TAX1BP1: variants seen among roughly 807,000 people sequenced by gnomAD.
The protein encoded by TAX1BP1 is Tax1 binding protein 1, also known as tax1-binding protein 1.
Under a neutral mutation model 97.7 loss-of-function variants are expected in TAX1BP1, and 62 were observed. The ratio of observed to expected loss-of-function variants is 0.63; its 90% CI spans 0.52 to 0.78. TAX1BP1 has a LOEUF of 0.78. Ranked by LOEUF, TAX1BP1 falls within the 30% of genes least tolerant of loss-of-function variation. The pLI, the probability that TAX1BP1 is intolerant of heterozygous loss-of-function variation, is 0.00. For synonymous variants in TAX1BP1, 340 were observed against 304.2 expected, an observed-to-expected ratio of 1.12 and a Z score of -1.23; for missense variants, 867 against 916.1, an observed-to-expected ratio of 0.95 and a Z score of 0.69.
rs34347226 is a variant in TAX1BP1 at position 27,769,730 on chromosome 7, G to T, written c.508G>T (p.Val170Phe). ...AGAAGAACTGTTAAAGTTAATTGCC[G>T]TTCTGGAAAAAGAAACAGCACAACT... ...EKEELLKLIAVLEKETAQLRE... is the reference protein window; with the variant it reads ...EKEELLKLIAFLEKETAQLRE... The change falls in exon 5 of 17, where the codon GTT (valine) becomes TTT (phenylalanine). Residue 170 changes from valine to phenylalanine, a missense_variant. Physicochemically the swap from Val to Phe is conservative, Grantham distance 50. Around this residue, in one of 3 missense-constraint regions of TAX1BP1, gnomAD observed 822 missense variants for 851.4 expected, o/e 0.97. Coordinates refer to ENST00000396319, the MANE Select transcript of TAX1BP1 (RefSeq NM_006024.7). 1.5e-4 allele frequency: 249 copies of T among 1,612,336 alleles called. 1 individual carries two copies. The African/African-American group carries it at 3.1e-3, about 20-fold the overall frequency.
At position 27,769,758 on chromosome 7, in the gene TAX1BP1, G is replaced by A. The variant is rs1280713405; in HGVS notation, c.536G>A (p.Arg179Gln). 4 of 1,612,382 alleles carry A rather than the reference G, an allele frequency of 2.5e-6. No individual in the cohort carries two copies. The highest frequency in any genetic ancestry group is 2.2e-5 in the East Asian group (1 of 44,780). ...AVLEKETAQL[R>Q]EQVGRMEREL... is the part of the protein sequence containing the mutation. The stretch of plus-strand genomic sequence containing the variant: ...CTGGAAAAAGAAACAGCACAACTTC[G>A]AGAACAAGTTGGGAGAATGGAAAGA... The change falls in exon 5 of 17, where the codon CGA becomes CAA. Residue 179 changes from arginine to glutamine, a missense_variant. By Grantham distance (43) the Arg-to-Gln change is conservative. This residue lies in a region of TAX1BP1 where 822 missense variants were observed against 851.4 expected (regional missense o/e 0.97). Coordinates refer to ENST00000396319, the MANE Select transcript of TAX1BP1 (RefSeq NM_006024.7).
At chr7:27,803,765 C>T (rs1790231027) in intron 13 of TAX1BP1, among the ~76,000 whole-genome samples, 2 of 152,132 alleles carry the variant, frequency 1.3e-5, no homozygotes, top group African/African-American at 4.8e-5. Flanking sequence ...GGGTACATGT[C>T]TTTTTAGTAT....
chr7:27,771,050 T>C (rs1236310739), intron 5 of TAX1BP1, among the ~76,000 whole-genome samples: 1 of 144,786 alleles, frequency 6.9e-6, no homozygotes, highest in Non-Finnish European at 1.5e-5. Flanking sequence ...TAAAATATAG[T>C]AAAATCTCAT....
At chr7:27,786,248 C>T (rs1789476190) in intron 7 of TAX1BP1, among the ~76,000 whole-genome samples, 1 of 151,698 alleles carries the variant, frequency 6.6e-6, no homozygotes, top group African/African-American at 2.4e-5. Flanking sequence ...TCTCCTGCCT[C>T]AGCCTCCCGA....
At chr7:27,754,885 T>C (rs1788153336) in intron 2 of TAX1BP1, among the ~76,000 whole-genome samples, 1 of 152,172 alleles carries the variant, frequency 6.6e-6, no homozygotes. Flanking sequence ...ACCTGGCTTG[T>C]CTTTTTTCTA....
At chr7:27,757,319 A>G (rs569625543) in intron 2 of TAX1BP1, among the ~76,000 whole-genome samples, 1 of 152,266 alleles carries the variant, frequency 6.6e-6, no homozygotes, top group Admixed American at 6.5e-5. Context: ...AAAATGTGTT[A>G]GCATTAGGTG....
At position 27,769,750 on chromosome 7, in the gene TAX1BP1, A is replaced by G. The variant is rs753543042; in HGVS notation, c.528A>G (p.Ala176=). The G allele has an allele frequency of 6.2e-7, 1 of 1,612,700 alleles. No homozygotes were observed. The highest frequency in any genetic ancestry group is 2.2e-5 in the East Asian group (1 of 44,764). ...KLIAVLEKET[A]QLREQVGRME... Reference sequence around the variant, plus strand: ...TTGCCGTTCTGGAAAAAGAAACAGCACAACTTCGAGAACAAGTTGGGAGAA... The same window carrying G: ...TTGCCGTTCTGGAAAAAGAAACAGCGCAACTTCGAGAACAAGTTGGGAGAA... The change falls in exon 5 of 17, where the codon GCA becomes GCG. Residue 176 remains alanine (A), a synonymous_variant. Coordinates refer to ENST00000396319, the MANE Select transcript of TAX1BP1 (RefSeq NM_006024.7).
intron 8 of TAX1BP1, 104 bp from the exon 9 acceptor site, chr7:27,791,902 A>G (rs530775390): frequency 3.1e-5 from 30 of 978,290 alleles, no homozygotes; most frequent in East Asian, 1.8e-4. Flanking sequence ...AGAAAAACCA[A>G]TATCTAAAAT....
At chr7:27,798,922 G>A (rs574058647) in intron 12 of TAX1BP1, among the ~76,000 whole-genome samples, 1 of 147,816 alleles carries the variant, frequency 6.8e-6, no homozygotes, top group Admixed American at 6.7e-5. Flanking sequence ...TATGTCTTTT[G>A]TCTGATATAT....
chr7:27,746,556 C>T (rs1356663062), intron 1 of TAX1BP1, among the ~76,000 whole-genome samples: 2 of 152,008 alleles, frequency 1.3e-5, no homozygotes, highest in African/African-American at 2.4e-5. Flanking sequence ...TTATTTTAGG[C>T]AGAGTTCTCC....
At chr7:27,740,069 G>A (rs909444118), upstream of TAX1BP1, 2 of 152,420 alleles carry the variant, frequency 1.3e-5, no homozygotes, top group African/African-American at 4.8e-5. Flanking sequence ...TCGTCGCGGA[G>A]GGGAGCGGCG....
chr7:27,765,590 T>A (rs919755042), intron 3 of TAX1BP1, among the ~76,000 whole-genome samples: 1 of 152,082 alleles, frequency 6.6e-6, no homozygotes, highest in Non-Finnish European at 1.5e-5. Flanking sequence ...GGTTTTGCCC[T>A]AGTGAAGATA....
chr7:27,745,962 G>A (rs945242187), intron 1 of TAX1BP1, among the ~76,000 whole-genome samples: 1 of 151,908 alleles, frequency 6.6e-6, no homozygotes, highest in African/African-American at 2.4e-5. Flanking sequence ...GTATACCTAT[G>A]TGCTATTTTG....
At chr7:27,808,318 T>C (rs1790421823) in intron 13 of TAX1BP1, among the ~76,000 whole-genome samples, 1 of 152,230 alleles carries the variant, frequency 6.6e-6, no homozygotes, top group Non-Finnish European at 1.5e-5. Flanking sequence ...TAGTCTTCTC[T>C]CTTTCCATAA....
At chr7:27,799,830 C>T (rs1790065387) in intron 12 of TAX1BP1, 135 bp from the exon 13 acceptor site, 1 of 521,640 alleles carries the variant, frequency 1.9e-6, no homozygotes. Flanking sequence ...TATTAATAGA[C>T]ATTTGATTAT....
intron 13 of TAX1BP1, among the ~76,000 whole-genome samples, chr7:27,815,362 A>G (rs1250786744): frequency 1.3e-5 from 2 of 152,124 alleles, no homozygotes; most frequent in South Asian, 2.1e-4. Context: ...ATTTTGTAAA[A>G]TATTTCTTCT....
At chr7:27,827,230 A>C (rs1142977) in intron 15 of TAX1BP1, among the ~76,000 whole-genome samples, 1 of 152,106 alleles carries the variant, frequency 6.6e-6, no homozygotes, top group East Asian at 1.9e-4. Context: ...GTGCACACCT[A>C]TAATCCCAGC....
intron 13 of TAX1BP1, among the ~76,000 whole-genome samples, chr7:27,807,854 A>C (rs940658065): frequency 1.3e-5 from 2 of 151,964 alleles, no homozygotes; most frequent in Non-Finnish European, 2.9e-5. Context: ...ATTGATATTT[A>C]TCATTGTAGA....
chr7:27,829,733 TTAAA>T lies in TAX1BP1; in HGVS notation c.*905_*908del, dbSNP rs1359423750. 1 of 152,212 alleles carries T rather than the reference TTAAA, an allele frequency of 6.6e-6. No individual in the cohort carries two copies. The highest frequency in any genetic ancestry group is 1.9e-4 in the East Asian group (1 of 5,206). The allele number at this position is 152,212 out of a possible 1,614,324, so 9.4% of individuals were successfully genotyped here. The stretch of plus-strand genomic sequence containing the variant: ...GTGCTGTATAGAACTGTCACTAACA[TTAAA>T]GAAAGAGGACACATTTTTCAAGATC... On this transcript the variant is annotated 3_prime_UTR_variant, in exon 17 of 17. Coordinates refer to ENST00000396319, the MANE Select transcript of TAX1BP1 (RefSeq NM_006024.7).
Sources: allele counts gnomAD v4.1 joint callset (sites outside exome capture counted in the v4.1 genomes callset), GRCh38; gene constraint gnomAD v4.1.1; regional missense constraint gnomAD v4.1.1; transcripts MANE v1.5; gene names NCBI Gene and HGNC (gene_info 2026-07-23, HGNC 2026-07-21).